The following CLEC16A variants were observed in gnomAD, a reference collection of about 807,000 sequenced individuals.
CLEC16A encodes the protein protein CLEC16A.
Under a neutral mutation model 109.5 loss-of-function variants are expected in CLEC16A, and 51 were observed. The observed-to-expected ratio is 0.47, with a 90% CI of 0.37 to 0.59. The LOEUF (loss-of-function observed/expected upper bound fraction) is 0.59. CLEC16A is among the 20% of genes least tolerant of loss of function. The pLI, the probability that CLEC16A is intolerant of heterozygous loss-of-function variation, is 0.00. For synonymous variants in CLEC16A, 673 were observed against 564.2 expected (o/e 1.19, Z -2.73); for missense variants, 1,339 against 1,394.0 (o/e 0.96, Z 0.63).
rs137971406 is a variant in CLEC16A at position 11,083,079 on chromosome 16, A to C, written c.2116+22057A>C. On this transcript the variant is annotated intron_variant, in intron 19 of 23. Coordinates refer to ENST00000409790, the MANE Select transcript of CLEC16A (RefSeq NM_015226.3). The stretch of plus-strand genomic sequence containing the variant: ...GCCAGCCAAGGAGGTTTGCTTAGTA[A>C]GAGCTGCCCCTCATCAGCAGCTCAC... Among the ~76,000 whole-genome samples the C allele has an allele frequency of 9.4e-4, 143 of 152,328 alleles. 2 individuals carry two copies. In the South Asian group the frequency reaches 0.017, roughly 18 times the overall value.
At chr16:11,076,425 G>C (rs951979795) in intron 19 of CLEC16A, among the ~76,000 whole-genome samples, 1 of 152,088 alleles carries the variant, frequency 6.6e-6, no homozygotes, top group Non-Finnish European at 1.5e-5. Context: ...GGGGGAGTGG[G>C]GTTGAGGATT....
At chr16:11,051,697 C>G in intron 18 of CLEC16A, 56 bp downstream of exon 18, 1 of 1,596,302 alleles carries the variant, frequency 6.3e-7, no homozygotes, top group Middle Eastern at 1.7e-4. Context: ...GAACCACTCC[C>G]AGACCAGGGA....
chr16:10,973,006 T>G lies in CLEC16A; in HGVS notation c.673T>G (p.Trp225Gly), dbSNP rs758974840. The G allele has an allele frequency of 4.3e-6, 7 of 1,611,642 alleles. No individual in the cohort carries two copies. Among genetic ancestry groups the G allele is most frequent in the Non-Finnish European group, 4.2e-6 (5 of 1,178,926 alleles). The change falls in exon 7 of 24, where the codon TGG becomes GGG. Residue 225 changes from tryptophan (W) to glycine (G), a missense_variant. Around this residue, in one of 3 missense-constraint regions of CLEC16A, gnomAD observed 161 missense variants for 267.1 expected, o/e 0.60. Transcript: ENST00000409790. The stretch of plus-strand genomic sequence containing the variant: ...TGTTCCTTACTTCTCCAATTTGGTC[T>G]GGTTCATTGGGAGCCATGTGATCGA... ...TAVPYFSNLV[W>G]FIGSHVIELD...
At chr16:10,953,115 T>A (rs1304854386) in intron 1 of CLEC16A, among the ~76,000 whole-genome samples, 3 of 152,238 alleles carry the variant, frequency 2.0e-5, no homozygotes, top group Non-Finnish European at 4.4e-5. Flanking sequence ...GAAGACTTAA[T>A]TACTATATGG....
chr16:11,014,561 A>G (rs1006708793), intron 11 of CLEC16A, among the ~76,000 whole-genome samples: 3 of 152,262 alleles, frequency 2.0e-5, no homozygotes, highest in African/African-American at 7.2e-5. Context: ...TAAAATGAAA[A>G]ATAGTACAGG....
intron 22 of CLEC16A, among the ~76,000 whole-genome samples, chr16:11,155,571 T>C (rs1434211003): frequency 1.3e-5 from 2 of 152,258 alleles, no homozygotes; most frequent in African/African-American, 4.8e-5. Flanking sequence ...TTTTTGAAGC[T>C]TGTTCTGTGC....
chr16:11,018,345 C>T (rs1033570144), intron 11 of CLEC16A, among the ~76,000 whole-genome samples: 1 of 151,024 alleles, frequency 6.6e-6, no homozygotes, highest in African/African-American at 2.4e-5. Context: ...TCCGTGGAGG[C>T]GACATGTGAA....
At chr16:10,950,955 C>T (rs575112450) in intron 1 of CLEC16A, among the ~76,000 whole-genome samples, 25 of 152,334 alleles carry the variant, frequency 1.6e-4, no homozygotes, top group Non-Finnish European at 1.3e-4. Context: ...AGGCATAGCA[C>T]GTGCAGAAAA....
chr16:10,977,455 C>T (rs2043083938), intron 8 of CLEC16A, 56 bp downstream of exon 8: 1 of 1,450,850 alleles, frequency 6.9e-7, no homozygotes, highest in Non-Finnish European at 9.5e-7. Flanking sequence ...TGGGGAAGAA[C>T]AGTCCCCAGT....
chr16:11,021,654 C>T (rs890730518), intron 12 of CLEC16A, among the ~76,000 whole-genome samples: 3 of 152,070 alleles, frequency 2.0e-5, no homozygotes, highest in East Asian at 3.9e-4. Context: ...AAAAATTAGC[C>T]GGGCATGGTG....
intron 1 of CLEC16A, among the ~76,000 whole-genome samples, chr16:10,953,396 A>G (rs116003926): frequency 0.016 from 2,484 of 152,370 alleles, 62 homozygotes; most frequent in African/African-American, 0.056. Context: ...CAAAGTCAGA[A>G]TGCGAAGAGT....
chr16:11,116,313 T>C (rs2051988135), intron 19 of CLEC16A, among the ~76,000 whole-genome samples: 1 of 151,924 alleles, frequency 6.6e-6, no homozygotes, highest in African/African-American at 2.4e-5. Flanking sequence ...GAGGATCACT[T>C]GAACCCAGGA....
intron 8 of CLEC16A, among the ~76,000 whole-genome samples, chr16:10,978,146 C>G (rs1350562774): frequency 6.6e-6 from 1 of 152,190 alleles, no homozygotes; most frequent in East Asian, 1.9e-4. Context: ...TGGTGACTGT[C>G]CACTGTTAGC....
chr16:11,120,755 G>A lies in CLEC16A; in HGVS notation c.2257G>A (p.Gly753Ser), dbSNP rs760358563. 6.4e-7 allele frequency: 1 copy of A among 1,550,410 alleles called. No homozygotes were observed. The highest frequency in any genetic ancestry group is 8.7e-7 in the Non-Finnish European group (1 of 1,144,594). Reference protein sequence around the residue: ...RLGWGVVKFAGLLQDMQVTGV... With the variant: ...RLGWGVVKFASLLQDMQVTGV... ...TGGCTGGGGAGTGGTCAAGTTTGCA[G>A]GCCTATTGCAGGTAAGATGGCCAGG... The change falls in exon 20 of 24, where the codon GGC becomes AGC. Residue 753 changes from glycine to serine, a missense_variant. Transcript: ENST00000409790.
chr16:11,092,082 C>T (rs538816882), intron 19 of CLEC16A, among the ~76,000 whole-genome samples: 4 of 152,236 alleles, frequency 2.6e-5, no homozygotes, highest in East Asian at 1.9e-4. Context: ...CAGTGGCTCA[C>T]GCCTGTAATT....
At chr16:10,996,764 C>G (rs1454416854) in intron 10 of CLEC16A, among the ~76,000 whole-genome samples, 1 of 151,950 alleles carries the variant, frequency 6.6e-6, no homozygotes, top group East Asian at 1.9e-4. Context: ...GAGGGGTGGA[C>G]TGTGGGCTCT....
chr16:11,175,755 A>C (rs1018578733), intron 23 of CLEC16A, among the ~76,000 whole-genome samples: 1 of 152,214 alleles, frequency 6.6e-6, no homozygotes, highest in Admixed American at 6.5e-5. Flanking sequence ...TGCGCATGCT[A>C]TTGTTAGTTG....
At chr16:10,977,704 G>A (rs764905380) in intron 8 of CLEC16A, among the ~76,000 whole-genome samples, 4 of 152,018 alleles carry the variant, frequency 2.6e-5, no homozygotes, top group Admixed American at 6.6e-5. Context: ...TGGAAGAGAC[G>A]GCGGCATTTC....
At chr16:11,085,419 A>G (rs2049958501) in intron 19 of CLEC16A, among the ~76,000 whole-genome samples, 1 of 152,224 alleles carries the variant, frequency 6.6e-6, no homozygotes, top group African/African-American at 2.4e-5. Flanking sequence ...AAGCAGGCAG[A>G]CTCGGCCAAG....
Sources: allele counts gnomAD v4.1 joint callset (sites outside exome capture counted in the v4.1 genomes callset), GRCh38; gene constraint gnomAD v4.1.1; regional missense constraint gnomAD v4.1.1; transcripts MANE v1.5; gene names NCBI Gene and HGNC (gene_info 2026-07-23, HGNC 2026-07-21).